The following CAST variants were observed in gnomAD, a reference collection of about 807,000 sequenced individuals.
CAST encodes calpastatin.
In CAST, 76 loss-of-function variants were observed where a neutral mutation model predicts 119.6. The observed-to-expected ratio is 0.64, with a 90% confidence interval of 0.53 to 0.77. The LOEUF (loss-of-function observed/expected upper bound fraction) is 0.77, where lower values mean the gene tolerates loss of function less well. CAST is among the 30% of genes least tolerant of loss of function. The probability of loss-of-function intolerance (pLI) is 0.00; values close to 1 mark genes in which losing one functional copy is unlikely to be tolerated. For missense variants in CAST, 953 were observed against 946.5 expected, an observed-to-expected ratio of 1.01 and a Z score of -0.09; for synonymous variants, 319 against 331.6, an observed-to-expected ratio of 0.96 and a Z score of 0.41.
rs1407201321 is a variant in CAST at position 96,695,864 on chromosome 5, A to G, written c.167A>G (p.Gln56Arg). The change falls in exon 3 of 32, where the codon CAA becomes CGA. Residue 56 changes from glutamine to arginine, a missense_variant. By Grantham distance (43) the Gln-to-Arg change is conservative. Transcript: ENST00000675179. ...AAAGCAGCAAGCCTCGGCAGCAGTCAATCCTCCAGAACCTATGCTGGTGGA... is the reference window on the plus strand; with the variant it reads ...AAAGCAGCAAGCCTCGGCAGCAGTCGATCCTCCAGAACCTATGCTGGTGGA... Reference protein sequence around the residue: ...EKKAASLGSSQSSRTYAGGTA... With the variant: ...EKKAASLGSSRSSRTYAGGTA... 6.2e-7 allele frequency: 1 copy of G among 1,613,322 alleles called. No individual in the cohort carries two copies. The highest frequency in any genetic ancestry group is 8.5e-7 in the Non-Finnish European group (1 of 1,179,474).
chr5:96,748,841 C>T (rs372313836), intron 19 of CAST: 20 of 393,342 alleles, frequency 5.1e-5, no homozygotes, highest in African/African-American at 3.7e-4. Flanking sequence ...CTCTGGAACC[C>T]ATGCCTTCCT....
chr5:96,166,186 C>T, the CAST span, among the ~76,000 whole-genome samples: 1 of 152,122 alleles, frequency 6.6e-6, no homozygotes, highest in Non-Finnish European at 1.5e-5. Flanking sequence ...TGTGAATAAA[C>T]TCAAGAGCAC....
intron 1 of CAST, among the ~76,000 whole-genome samples, chr5:96,673,875 A>G (rs1030913464): frequency 6.6e-6 from 1 of 152,232 alleles, no homozygotes; most frequent in African/African-American, 2.4e-5. Context: ...ATGTATAGGT[A>G]AAAGAAGACC....
the CAST span, among the ~76,000 whole-genome samples, chr5:96,321,804 G>T: frequency 6.6e-6 from 1 of 152,148 alleles, no homozygotes; most frequent in South Asian, 2.1e-4. Flanking sequence ...CAGATGTCCT[G>T]GTGAGTATAT....
At chr5:96,024,911 A>G in the CAST span, among the ~76,000 whole-genome samples, 2 of 152,136 alleles carry the variant, frequency 1.3e-5, no homozygotes, top group African/African-American at 4.8e-5. Flanking sequence ...TTCCAAGTAG[A>G]GGTCAGGCCT....
At chr5:96,212,194 T>C in the CAST span, among the ~76,000 whole-genome samples, 1 of 152,134 alleles carries the variant, frequency 6.6e-6, no homozygotes, top group South Asian at 2.1e-4. Flanking sequence ...CTTTTCTTTG[T>C]CTAGGTTCTT....
intron 1 of CAST, among the ~76,000 whole-genome samples, chr5:96,530,692 C>T (rs1365008506): frequency 1.3e-5 from 2 of 152,058 alleles, no homozygotes; most frequent in Admixed American, 6.5e-5. Flanking sequence ...TTTGAGAAGC[C>T]AAAGGAAGGG....
chr5:96,169,031 T>C, the CAST span, among the ~76,000 whole-genome samples: 4 of 152,152 alleles, frequency 2.6e-5, no homozygotes, highest in African/African-American at 9.7e-5. Flanking sequence ...ATAAAAAGGC[T>C]ACAGGGCGCG....
At chr5:96,754,346 A>C (rs1765815776) in intron 21 of CAST, among the ~76,000 whole-genome samples, 185 bp downstream of exon 21, 1 of 152,178 alleles carries the variant, frequency 6.6e-6, no homozygotes, top group South Asian at 2.1e-4. Flanking sequence ...TTGAACCCCC[A>C]CAGTGGATGG....
chr5:96,209,243 G>T, the CAST span, among the ~76,000 whole-genome samples: 2 of 151,760 alleles, frequency 1.3e-5, no homozygotes, highest in Non-Finnish European at 2.9e-5. Flanking sequence ...TTGAAGACAG[G>T]ATACAGTTAG....
the CAST span, among the ~76,000 whole-genome samples, chr5:96,188,063 C>G: frequency 6.6e-6 from 1 of 152,172 alleles, no homozygotes; most frequent in African/African-American, 2.4e-5. Context: ...TCCCACAGAA[C>G]CTGGATATGG....
At chr5:96,754,598 C>T (rs747756482) in intron 21 of CAST, 60 bp from the exon 22 acceptor site, 7 of 980,174 alleles carry the variant, frequency 7.1e-6, no homozygotes, top group Non-Finnish European at 1.1e-5. Flanking sequence ...GTCACTCAGG[C>T]ATGAATTTTA....
At chr5:96,424,818 C>T in the CAST span, among the ~76,000 whole-genome samples, 1 of 151,854 alleles carries the variant, frequency 6.6e-6, no homozygotes, top group East Asian at 1.9e-4. Flanking sequence ...CAAAAATTAG[C>T]TGGGCATGGT....
At chr5:96,397,723 A>G in the CAST span, among the ~76,000 whole-genome samples, 6 of 152,186 alleles carry the variant, frequency 3.9e-5, no homozygotes, top group African/African-American at 1.4e-4. Flanking sequence ...AAAATAATGA[A>G]TGAATGAATG....
At chr5:96,023,578 C>G in the CAST span, among the ~76,000 whole-genome samples, 2 of 152,038 alleles carry the variant, frequency 1.3e-5, no homozygotes, top group African/African-American at 4.8e-5. Context: ...CTTCTTATGG[C>G]TACTTCATGC....
intron 1 of CAST, among the ~76,000 whole-genome samples, chr5:96,574,814 T>G (rs1389009330): frequency 6.6e-6 from 1 of 152,222 alleles, no homozygotes; most frequent in East Asian, 1.9e-4. Flanking sequence ...TAAATTGTTT[T>G]TGTACCTGTG....
intron 1 of CAST, among the ~76,000 whole-genome samples, chr5:96,580,340 T>C (rs1746748282): frequency 6.6e-6 from 1 of 152,204 alleles, no homozygotes; most frequent in Admixed American, 6.5e-5. Context: ...AAATATTGCA[T>C]TTAGGGACAA....
chr5:96,480,741 A>G, the CAST span, among the ~76,000 whole-genome samples: 1 of 152,222 alleles, frequency 6.6e-6, no homozygotes, highest in South Asian at 2.1e-4. Flanking sequence ...AACGAAAAGA[A>G]TAAAGTGCTT....
Position 96,773,958 on chromosome 5 carries a change from T to TC in CAST, c.*1349dup, listed in dbSNP as rs985179644. 1.8e-4 allele frequency: 27 copies of TC among 151,880 alleles called. No homozygotes were observed. In the East Asian group the frequency reaches 3.0e-3, roughly 17 times the overall value. The allele number at this position is 151,880 out of a possible 1,614,324, so 9.4% of individuals were successfully genotyped here. Reference sequence around the variant, plus strand: ...TAAATGGCACCACATCTTGTTAACCTCCCCCCCAAATACTCTCTGAAAGTC... The same window carrying TC: ...TAAATGGCACCACATCTTGTTAACCTCCCCCCCCAAATACTCTCTGAAAGTC... On this transcript the variant is annotated 3_prime_UTR_variant, in exon 32 of 32. Coordinates refer to ENST00000675179, the MANE Select transcript of CAST (RefSeq NM_001750.7).
Sources: allele counts gnomAD v4.1 joint callset (sites outside exome capture counted in the v4.1 genomes callset), GRCh38; gene constraint gnomAD v4.1.1; transcripts MANE v1.5; gene names NCBI Gene and HGNC (gene_info 2026-07-23, HGNC 2026-07-21).